The following EPHA2 variants were observed in gnomAD, a reference collection of about 807,000 sequenced individuals.
EPHA2 encodes EPH receptor A2, also known as ephrin type-A receptor 2.
EPHA2 carries 54 observed loss-of-function variants against 104.9 expected under a neutral mutation model. That is an observed-to-expected ratio of 0.51 (90% CI 0.41 to 0.65). EPHA2 has a LOEUF of 0.65. Among genes scored for constraint, EPHA2 ranks in the 30% least tolerant of loss-of-function variants. The pLI, the probability that EPHA2 is intolerant of heterozygous loss-of-function variation, is 0.00. For synonymous variants in EPHA2, 560 were observed against 559.1 expected (o/e 1.00, Z -0.02); for missense variants, 1,117 against 1,369.5 (o/e 0.82, Z 2.91).
In EPHA2 at chr1:16,148,874, A is replaced by C; in HGVS notation, c.327T>G (p.Pro109=). The change falls in exon 3 of 17, where the codon CCT becomes CCG. Residue 109 remains proline (P), a synonymous_variant. Transcript: ENST00000358432. This position sits in a 1 kb window ranked among gnomAD's most constrained non-coding sequence, Gnocchi z 4.9. ...KFTVRDCNSF[P]GGASSCKETF... is the part of the protein sequence containing the mutation. ...TCTCCTTGCAGGAGCTGGCGCCACCAGGGAAGCTGTTGCAGTCACGTACAG... is the reference window on the plus strand; with the variant it reads ...TCTCCTTGCAGGAGCTGGCGCCACCCGGGAAGCTGTTGCAGTCACGTACAG... The C allele has an allele frequency of 1.9e-6, 3 of 1,614,168 alleles. No individual in the cohort carries two copies. The highest frequency in any genetic ancestry group is 2.5e-6 in the Non-Finnish European group (3 of 1,180,038).
chr1:16,148,087 G>T lies in EPHA2; in HGVS notation c.823+291C>A, dbSNP rs1333666878. The stretch of plus-strand genomic sequence containing the variant: ...GACGGCGTTTCATTATGTTGCCCAG[G>T]CTGGTCTCAAACTCCTGGGCTCAAG... On this transcript the variant is annotated intron_variant, in intron 3 of 16. Coordinates refer to ENST00000358432, the MANE Select transcript of EPHA2 (RefSeq NM_004431.5). This position sits in a 1 kb window ranked among gnomAD's most constrained non-coding sequence, Gnocchi z 4.9. Among the ~76,000 whole-genome samples, 9 of 151,922 alleles carry T rather than the reference G, an allele frequency of 5.9e-5. No homozygotes were observed. The highest frequency in any genetic ancestry group is 1.3e-4 in the Non-Finnish European group (9 of 67,990).
chr1:16,133,264 G>A lies in EPHA2; in HGVS notation c.1969C>T (p.Arg657Ter), dbSNP rs532367974. The change falls in exon 11 of 17, where the codon CGA (arginine) becomes TGA (stop). Residue 657 changes from arginine (R) to a stop codon, truncating the protein, a stop_gained. Transcript: ENST00000358432. LOFTEE classifies it high-confidence loss of function. ...CCGGCCTCGCCGAGGAAGTCCACTC[G>A]CTGCTTCTCTGTGTAGCCGGCTTTC... ...TLKAGYTEKQRVDFLGEAGIM... is the reference protein window; with the variant it reads ...TLKAGYTEKQ The A allele has an allele frequency of 2.4e-5, 38 of 1,613,744 alleles. No individual in the cohort carries two copies. The highest frequency in any genetic ancestry group is 2.9e-5 in the Non-Finnish European group (34 of 1,179,936).
rs1450265381 is a variant in EPHA2 at position 16,133,909 on chromosome 1, C to A, written c.1689G>T (p.Lys563Asn). 5.0e-5 allele frequency: 77 copies of A among 1,550,598 alleles called. No individual in the cohort carries two copies. Among genetic ancestry groups the A allele is most frequent in the Non-Finnish European group, 6.2e-5 (71 of 1,146,478 alleles). Residue 563 changes from lysine (K) to asparagine (N), a missense_variant, in exon 9 of 17, where the codon AAG becomes AAT. By Grantham distance (94) the Lys-to-Asn change is moderately conservative. Around this residue, in one of 3 missense-constraint regions of EPHA2, gnomAD observed 113 missense variants for 104.3 expected, o/e 1.08. Coordinates refer to ENST00000358432, the MANE Select transcript of EPHA2 (RefSeq NM_004431.5). ...GVGFFIHRRR[K>N]NQRARQSPED... ...CCGGGGACTGGCGGGCACGCTGGTT[C>A]TTCCTCCTGAAAGAGCCCCACGGGG...
intron 2 of EPHA2, 140 bp from the exon 3 acceptor site, chr1:16,149,187 G>A (rs2024992606): frequency 2.2e-6 from 2 of 902,806 alleles, no homozygotes; most frequent in Non-Finnish European, 3.5e-6. Flanking sequence ...GCCTGAGGCG[G>A]GTGGGGGCTG....
At position 16,125,506 on chromosome 1, in the gene EPHA2, G is replaced by A. The variant is rs1458189353; in HGVS notation, c.2826-186C>T. On this transcript the variant is annotated intron_variant, in intron 16 of 16. Transcript: ENST00000358432. The surrounding 1 kb of genome is among the most constrained non-coding windows in gnomAD (Gnocchi z 4.9). ...TCTGGTTAGGTAGGCCTGGGAGAAGGAGCCACAGCCTAGAAGCTTGCCAAG... is the reference window on the plus strand; with the variant it reads ...TCTGGTTAGGTAGGCCTGGGAGAAGAAGCCACAGCCTAGAAGCTTGCCAAG... Among the ~76,000 whole-genome samples the A allele has an allele frequency of 1.3e-5, 2 of 152,010 alleles. No individual in the cohort carries two copies. The highest frequency in any genetic ancestry group is 1.5e-5 in the Non-Finnish European group (1 of 67,978).
intron 2 of EPHA2, 121 bp from the exon 3 acceptor site, chr1:16,149,168 G>A (rs768475801): frequency 2.7e-6 from 3 of 1,103,646 alleles, no homozygotes. Flanking sequence ...TACGGTGAAG[G>A]AAACTGAGGC....
Position 16,150,960 on chromosome 1 carries a change from A to G in EPHA2, c.89T>C (p.Val30Ala). Residue 30 changes from valine to alanine, a missense_variant, in exon 2 of 17, where the codon GTA becomes GCA. Val to Ala is a moderately conservative substitution (Grantham distance 64). Coordinates refer to ENST00000358432, the MANE Select transcript of EPHA2 (RefSeq NM_004431.5). The surrounding 1 kb of genome is among the most constrained non-coding windows in gnomAD (Gnocchi z 4.8). ...AAAAAQGKEVVLLDFAAAGGE... is the reference protein window; with the variant it reads ...AAAAAQGKEVALLDFAAAGGE... Reference sequence around the variant, plus strand: ...TCCAGCTGCAGCAAAGTCCAGCAGTACCACTGAAAGGGAGAAGGGAGAGGG... The same window carrying G: ...TCCAGCTGCAGCAAAGTCCAGCAGTGCCACTGAAAGGGAGAAGGGAGAGGG... 1 of 1,614,036 alleles carries G rather than the reference A, an allele frequency of 6.2e-7. No homozygotes were observed. Among genetic ancestry groups the G allele is most frequent in the Non-Finnish European group, 8.5e-7 (1 of 1,179,986 alleles).
chr1:16,148,334 G>T lies in EPHA2; in HGVS notation c.823+44C>A. 1.3e-6 allele frequency: 2 copies of T among 1,589,710 alleles called. No individual in the cohort carries two copies. Among genetic ancestry groups the T allele is most frequent in the Non-Finnish European group, 1.7e-6 (2 of 1,171,392 alleles). On this transcript the variant is annotated intron_variant, in intron 3 of 16. Transcript: ENST00000358432. The surrounding 1 kb of genome is among the most constrained non-coding windows in gnomAD (Gnocchi z 4.9). ...TTCCAAAGCTAAAGACCAGAACCTG[G>T]GAATGCAGAACCCCCTTCCCTGCAA...
intron 1 of EPHA2, among the ~76,000 whole-genome samples, chr1:16,154,263 A>G (rs2025104373): frequency 6.6e-6 from 1 of 152,098 alleles, no homozygotes; most frequent in Admixed American, 6.5e-5. Context: ...GCGGATATTG[A>G]GGGTGGCAGA....
rs1039309301 is a variant in EPHA2, at chr1:16,142,460, G to A, written c.824-4030C>T. ...GTGTCCCATGGCCCAGCGGTGCTCA[G>A]TTAATGTTTGCTGAATGGATGGACA... is the stretch of plus-strand genomic sequence containing the variant. On this transcript the variant is annotated intron_variant, in intron 3 of 16. Coordinates refer to ENST00000358432, the MANE Select transcript of EPHA2 (RefSeq NM_004431.5). Among the ~76,000 whole-genome samples the A allele has an allele frequency of 1.3e-5, 2 of 152,232 alleles. 1 individual carries two copies. The highest frequency in any genetic ancestry group is 4.1e-4 in the South Asian group (2 of 4,830).
At chr1:16,140,393 A>G (rs965907322) in intron 3 of EPHA2, among the ~76,000 whole-genome samples, 8 of 152,210 alleles carry the variant, frequency 5.3e-5, no homozygotes, top group Non-Finnish European at 8.8e-5. Context: ...TGGAGTCCCA[A>G]TGACAGTACC....
At chr1:16,142,401 C>T (rs1222891954) in intron 3 of EPHA2, among the ~76,000 whole-genome samples, 1 of 152,232 alleles carries the variant, frequency 6.6e-6, no homozygotes, top group Non-Finnish European at 1.5e-5. Flanking sequence ...AGACCAGCAG[C>T]TCCTGAGGAG....
chr1:16,145,916 T>C (rs944220135), intron 3 of EPHA2, among the ~76,000 whole-genome samples: 3 of 152,210 alleles, frequency 2.0e-5, no homozygotes, highest in Non-Finnish European at 2.9e-5. Context: ...GTCTATCAAA[T>C]GGGATTGATC....
chr1:16,130,913 C>A lies in EPHA2; in HGVS notation c.2476-494G>T, dbSNP rs951123709. The stretch of plus-strand genomic sequence containing the variant: ...CCAAAGTGCTAGGATTACAGGCATG[C>A]GCCATTGCTCCCAGCTAGAAGGGAC... On this transcript the variant is annotated intron_variant, in intron 14 of 16. Coordinates refer to ENST00000358432, the MANE Select transcript of EPHA2 (RefSeq NM_004431.5). The surrounding 1 kb of genome is among the most constrained non-coding windows in gnomAD (Gnocchi z 4.5). Among the ~76,000 whole-genome samples, 1 of 152,098 alleles carries A rather than the reference C, an allele frequency of 6.6e-6. No individual in the cohort carries two copies. Among genetic ancestry groups the A allele is most frequent in the Non-Finnish European group, 1.5e-5 (1 of 67,998 alleles).
intron 1 of EPHA2, 80 bp from the exon 2 acceptor site, chr1:16,151,043 C>T: frequency 2.1e-6 from 3 of 1,400,772 alleles, no homozygotes; most frequent in South Asian, 1.2e-5. Context: ...GAGGATCCCT[C>T]CAGGAACCCC....
chr1:16,127,884 C>T (rs866022325), intron 16 of EPHA2, among the ~76,000 whole-genome samples: 1 of 152,176 alleles, frequency 6.6e-6, no homozygotes, highest in Non-Finnish European at 1.5e-5. Context: ...AAGGAATTGG[C>T]GAGGAGCACC....
rs748737010 is a variant in EPHA2 at position 16,137,986 on chromosome 1, G to T, written c.1179C>A (p.Thr393=). The T allele has an allele frequency of 6.2e-6, 10 of 1,614,124 alleles. No individual in the cohort carries two copies. Among genetic ancestry groups the T allele is most frequent in the South Asian group, 1.1e-5 (1 of 91,090 alleles). The stretch of plus-strand genomic sequence containing the variant: ...GGTCGCTCACTGTCACACTGGTGCG[G>T]GTCAGTCCGTGAGGAGGCTCCGAGT... ...VRYSEPPHGL[T]RTSVTVSDLE... The change falls in exon 5 of 17, where the codon ACC becomes ACA. Residue 393 remains threonine (T), a synonymous_variant. Coordinates refer to ENST00000358432, the MANE Select transcript of EPHA2 (RefSeq NM_004431.5).
At position 16,131,722 on chromosome 1, in the gene EPHA2, T is replaced by TC; in HGVS notation, c.2473dup (p.Glu825GlyfsTer8). Reference sequence around the variant, plus strand: ...CCTGGGGAGGGCAAGGGCACCCACCTCGTGGTTGGACAACTCCCAGTAGGG... The same window carrying TC: ...CCTGGGGAGGGCAAGGGCACCCACCTCCGTGGTTGGACAACTCCCAGTAGGG... On this transcript the variant is annotated frameshift_variant and splice_region_variant, in exon 14 of 17. Coordinates refer to ENST00000358432, the MANE Select transcript of EPHA2 (RefSeq NM_004431.5). LOFTEE classifies it high-confidence loss of function. This position sits in a 1 kb window ranked among gnomAD's most constrained non-coding sequence, Gnocchi z 5.2. 6.2e-7 allele frequency: 1 copy of TC among 1,614,008 alleles called. No individual in the cohort carries two copies. The highest frequency in any genetic ancestry group is 8.5e-7 in the Non-Finnish European group (1 of 1,180,008).
At chr1:16,146,801 G>T (rs2124255917) in intron 3 of EPHA2, among the ~76,000 whole-genome samples, 1 of 152,316 alleles carries the variant, frequency 6.6e-6, no homozygotes, top group African/African-American at 2.4e-5. Flanking sequence ...GGGCTTCAGT[G>T]TCCTCCAACC....
Sources: gnomAD v4.1 joint callset for allele counts (sites outside exome capture counted in the v4.1 genomes callset) on GRCh38, gnomAD v4.1.1 for gene constraint, gnomAD v4.1.1 regional missense constraint, Gnocchi (gnomAD v3.1) non-coding constraint, MANE v1.5 for transcripts, NCBI Gene and HGNC (gene_info 2026-07-23, HGNC 2026-07-21) for gene names.